The following SPTLC1 variants were observed in gnomAD, a reference collection of about 807,000 sequenced individuals.
The protein encoded by SPTLC1 is serine palmitoyltransferase long chain base subunit 1.
In SPTLC1, 55 loss-of-function variants were observed where a neutral mutation model predicts 68.9. The ratio of observed to expected loss-of-function variants is 0.80; its 90% confidence interval spans 0.64 to 1.00. SPTLC1 has a LOEUF of 1.00. Among genes scored for constraint, SPTLC1 ranks in the 50% least tolerant of loss-of-function variants. The pLI is 0.00. For synonymous variants in SPTLC1, 197 were observed against 201.6 expected, an observed-to-expected ratio of 0.98 and a Z score of 0.19; for missense variants, 449 against 573.1, an observed-to-expected ratio of 0.78 and a Z score of 2.21.
chr9:92,045,904 C>A, intron 12 of SPTLC1, 95 bp downstream of exon 12: 1 of 1,209,838 alleles, frequency 8.3e-7, no homozygotes, highest in South Asian at 1.3e-5. Context: ...GCAATCTGGT[C>A]AAACTGACCC....
In SPTLC1 at chr9:92,101,236, T is replaced by G. The variant is rs191312400; in HGVS notation, c.260+7504A>C. 9.8e-4 allele frequency among the ~76,000 whole-genome samples: 148 copies of G among 151,132 alleles called. 1 individual carries two copies. The highest frequency in any genetic ancestry group is 1.6e-3 in the Non-Finnish European group (107 of 67,768). ...AAAAAAAAACAAGCCATAGCCTGAA[T>G]GAGAAATTCAACAAAGACATAGATA... On this transcript the variant is annotated intron_variant, in intron 3 of 14. Transcript: ENST00000262554.
At chr9:92,038,221 G>A (rs1489909377) in intron 13 of SPTLC1, 27 bp downstream of exon 13, 6 of 1,455,688 alleles carry the variant, frequency 4.1e-6, no homozygotes, top group Non-Finnish European at 9.6e-7. Context: ...TGGTGTGGGG[G>A]GATGCCTCAA....
At chr9:92,079,936 G>A (rs1172319178) in intron 5 of SPTLC1, 80 bp downstream of exon 5, 1 of 1,224,882 alleles carries the variant, frequency 8.2e-7, no homozygotes, top group Non-Finnish European at 1.2e-6. Flanking sequence ...GAGTACAGGT[G>A]TGAGCCACCA....
At chr9:92,034,509 C>A (rs1833076046) in intron 14 of SPTLC1, among the ~76,000 whole-genome samples, 1 of 151,924 alleles carries the variant, frequency 6.6e-6, no homozygotes, top group South Asian at 2.1e-4. Context: ...GTGGCATGTG[C>A]CACCTTTCAG....
rs1835887508 is a variant in SPTLC1 at position 92,104,635 on chromosome 9, G to C, written c.260+4105C>G. ...TAGATGAGCAGGTGATCCCAGCCAG[G>C]CTCCCGAAGATGGAGGTGAGGGCAG... On this transcript the variant is annotated intron_variant, in intron 3 of 14. Transcript: ENST00000262554. The C allele has an allele frequency of 2.0e-6, 3 of 1,497,532 alleles. No individual in the cohort carries two copies. In the South Asian group the frequency reaches 3.6e-5, roughly 18 times the overall value. The allele number at this position is 1,497,532 out of a possible 1,614,324, so 92.8% of individuals were successfully genotyped here.
chr9:92,088,340 G>A (rs1029159236), intron 3 of SPTLC1, among the ~76,000 whole-genome samples: 5 of 152,340 alleles, frequency 3.3e-5, no homozygotes, highest in South Asian at 2.1e-4. Context: ...CTTCTGCGTC[G>A]CTCACGCTGG....
At position 92,032,162 on chromosome 9, in the gene SPTLC1, A is replaced by T. The variant is rs1274116661; in HGVS notation, c.*303T>A. Reference sequence around the variant, plus strand: ...GTTTTAAACGACAACAAAAGAATATAAAATACTAGTATAAGAAAACATTTA... The same window carrying T: ...GTTTTAAACGACAACAAAAGAATATTAAATACTAGTATAAGAAAACATTTA... On this transcript the variant is annotated 3_prime_UTR_variant, in exon 15 of 15. Transcript: ENST00000262554. The T allele has an allele frequency of 1.1e-6, 1 of 947,978 alleles. No individual in the cohort carries two copies. The highest frequency in any genetic ancestry group is 1.5e-6 in the Non-Finnish European group (1 of 657,628). The allele number at this position is 947,978 out of a possible 1,614,324, so 58.7% of individuals were successfully genotyped here.
At position 92,046,920 on chromosome 9, in the gene SPTLC1, C is replaced by A. The variant is rs191172927; in HGVS notation, c.1081+252G>T. Among the ~76,000 whole-genome samples, 576 of 152,336 alleles carry A rather than the reference C, an allele frequency of 3.8e-3. 4 individuals are homozygous for A. Among genetic ancestry groups the A allele is most frequent in the Non-Finnish European group, 6.1e-3 (414 of 68,028 alleles). ...ACTGGCTGAGAGCCCCTCGTCCTCC[C>A]AGCATCTCCACCCACTATCTGAGCT... On this transcript the variant is annotated intron_variant, in intron 11 of 14. Coordinates refer to ENST00000262554, the MANE Select transcript of SPTLC1 (RefSeq NM_006415.4).
At chr9:92,049,437 T>G (rs1833631064) in intron 9 of SPTLC1, among the ~76,000 whole-genome samples, 1 of 152,114 alleles carries the variant, frequency 6.6e-6, no homozygotes, top group Admixed American at 6.5e-5. Context: ...TCATTCTGTT[T>G]GGGACTTTAA....
intron 12 of SPTLC1, 106 bp downstream of exon 12, chr9:92,045,893 T>C: frequency 9.9e-7 from 1 of 1,011,378 alleles, no homozygotes; most frequent in Admixed American, 2.1e-5. Context: ...GTTTCTTAGC[T>C]GCAATCTGGT....
chr9:92,095,563 CCT>C (rs1835500327), intron 3 of SPTLC1, among the ~76,000 whole-genome samples: 1 of 152,148 alleles, frequency 6.6e-6, no homozygotes, highest in Non-Finnish European at 1.5e-5. Flanking sequence ...AGCAACTCTA[CCT>C]CTCTTTACTG....
rs781610095 is a variant in SPTLC1, at chr9:92,080,982, G to A, written c.261-19C>T. ...TGGAGGGCTAGGGAAGAGATAGAGT[G>A]GTACATGTCAATTACACATTCATGT... On this transcript the variant is annotated intron_variant, in intron 3 of 14. Coordinates refer to ENST00000262554, the MANE Select transcript of SPTLC1 (RefSeq NM_006415.4). 9.5e-6 allele frequency: 15 copies of A among 1,572,656 alleles called. No homozygotes were observed. In the South Asian group the frequency reaches 1.7e-4, roughly 17 times the overall value.
chr9:92,111,355 T>C (rs1194775235), intron 2 of SPTLC1: 1 of 152,226 alleles, frequency 6.6e-6, no homozygotes, highest in East Asian at 1.9e-4. Context: ...CATCCACACC[T>C]GAAATAGCTC....
intron 3 of SPTLC1, among the ~76,000 whole-genome samples, chr9:92,087,639 G>A (rs1380323041): frequency 2.0e-5 from 3 of 152,210 alleles, no homozygotes; most frequent in Admixed American, 6.5e-5. Context: ...CGTGTGAGGT[G>A]TCAGTCTGCC....
chr9:92,085,048 T>C (rs1222943576), intron 3 of SPTLC1, among the ~76,000 whole-genome samples: 4 of 151,444 alleles, frequency 2.6e-5, no homozygotes, highest in Non-Finnish European at 5.9e-5. Context: ...TGTAGTATTC[T>C]CTGATGGTAG....
At chr9:92,082,875 A>G (rs993184642) in intron 3 of SPTLC1, among the ~76,000 whole-genome samples, 3 of 151,610 alleles carry the variant, frequency 2.0e-5, no homozygotes, top group Non-Finnish European at 4.4e-5. Context: ...AAGTGTTCCT[A>G]TTTCTCCACA....
intron 8 of SPTLC1, chr9:92,050,373 G>T: frequency 3.1e-6 from 1 of 326,090 alleles, no homozygotes; most frequent in Non-Finnish European, 5.9e-6. Context: ...CCCTTTTCAT[G>T]GCCTATTTAC....
chr9:92,094,178 A>G (rs982502259), intron 3 of SPTLC1, among the ~76,000 whole-genome samples: 2 of 152,350 alleles, frequency 1.3e-5, no homozygotes, highest in South Asian at 4.1e-4. Flanking sequence ...CCAAGTCAAA[A>G]TTAAGAAATT....
intron 3 of SPTLC1, among the ~76,000 whole-genome samples, chr9:92,086,645 A>G (rs1277733701): frequency 6.6e-6 from 1 of 152,186 alleles, no homozygotes; most frequent in Non-Finnish European, 1.5e-5. Flanking sequence ...TTTGTGGGTA[A>G]CCCAACCTTT....
Sources: allele counts gnomAD v4.1 joint callset (sites outside exome capture counted in the v4.1 genomes callset), GRCh38; gene constraint gnomAD v4.1.1; transcripts MANE v1.5; gene names NCBI Gene and HGNC (gene_info 2026-07-23, HGNC 2026-07-21).